Variants in PGPEP1 observed in about 807,000 individuals in gnomAD.
The protein encoded by PGPEP1 is pyroglutamyl-peptidase I, also known as pyroglutamyl-peptidase 1.
Under a neutral mutation model 24.1 loss-of-function variants are expected in PGPEP1, and 15 were observed. The ratio of observed to expected loss-of-function variants is 0.62; its 90% CI spans 0.42 to 0.96. The LOEUF is 0.96. PGPEP1 is among the 40% of genes least tolerant of loss of function. The pLI, the probability that PGPEP1 is intolerant of heterozygous loss-of-function variation, is 0.00. For synonymous variants in PGPEP1, 122 were observed against 116.4 expected, an observed-to-expected ratio of 1.05 and a Z score of -0.31; for missense variants, 242 against 273.4, an observed-to-expected ratio of 0.89 and a Z score of 0.81.
rs1971638602 is a variant in PGPEP1, at chr19:18,369,238, C to T, written c.*5655C>T. On this transcript the variant is annotated 3_prime_UTR_variant, in exon 5 of 5. Transcript: ENST00000269919. ...CACAAGCTGAGTGGGGGGGGACTCCCAGGACTTGAGGGACCCAGTCCCACC... is the reference window on the plus strand; with the variant it reads ...CACAAGCTGAGTGGGGGGGGACTCCTAGGACTTGAGGGACCCAGTCCCACC... 1 of 152,306 alleles carries T rather than the reference C, an allele frequency of 6.6e-6. No individual in the cohort carries two copies. The highest frequency in any genetic ancestry group is 2.1e-4 in the South Asian group (1 of 4,844). 9.4% of individuals were successfully genotyped at this position (152,306 alleles called of 1,614,324 possible). A position where few individuals can be genotyped will look rare whatever the true frequency, so the allele number is the denominator to read the frequency against.
At position 18,366,106 on chromosome 19, in the gene PGPEP1, C is replaced by G. The variant is rs1030044128; in HGVS notation, c.*2523C>G. ...GGTCACCCAGAGGTCTGGTGGAAAG[C>G]AACTTCAGGTTTCATCTTGCTCTAT... On this transcript the variant is annotated 3_prime_UTR_variant, in exon 5 of 5. Coordinates refer to ENST00000269919, the MANE Select transcript of PGPEP1 (RefSeq NM_017712.4). 6.6e-6 allele frequency: 1 copy of G among 152,152 alleles called. No homozygotes were observed. Among genetic ancestry groups the G allele is most frequent in the Non-Finnish European group, 1.5e-5 (1 of 68,060 alleles). The allele number at this position is 152,152 out of a possible 1,614,324, so 9.4% of individuals were successfully genotyped here. A position where few individuals can be genotyped will look rare whatever the true frequency, so the allele number is the denominator to read the frequency against.
At position 18,342,872 on chromosome 19, in the gene PGPEP1, T is replaced by TG. The variant is rs1970712936; in HGVS notation, c.52dup (p.Glu18GlyfsTer33). On this transcript the variant is annotated frameshift_variant, in exon 2 of 5. Transcript: ENST00000269919. LOFTEE classifies it high-confidence loss of function. The stretch of plus-strand genomic sequence containing the variant: ...CTGTTTTTTCAGGATTTGGCCCTTT[T>TG]GGGGAACACACCGTGAACGCCAGTT... The TG allele has an allele frequency of 6.2e-7, 1 of 1,613,696 alleles. No homozygotes were observed. Among genetic ancestry groups the TG allele is most frequent in the African/African-American group, 1.3e-5 (1 of 74,922 alleles).
intron 4 of PGPEP1, among the ~76,000 whole-genome samples, chr19:18,359,023 C>T (rs1193820292): frequency 6.6e-6 from 1 of 152,072 alleles, no homozygotes; most frequent in African/African-American, 2.4e-5. Context: ...CGCAGTGGCT[C>T]ATGCCTATAA....
chr19:18,350,320 C>T (rs1003635196), intron 2 of PGPEP1, among the ~76,000 whole-genome samples: 6 of 152,134 alleles, frequency 3.9e-5, no homozygotes, highest in Admixed American at 6.6e-5. Flanking sequence ...CCACTGCACC[C>T]GGCCTGTTGA....
At position 18,355,906 on chromosome 19, in the gene PGPEP1, G is replaced by C. The variant is rs1316423524; in HGVS notation, c.99G>C (p.Lys33Asn). Residue 33 changes from lysine (K) to asparagine (N), a missense_variant, in exon 3 of 5, where the codon AAG becomes AAC. Transcript: ENST00000269919. Reference protein sequence around the residue: ...ASWIAVQELEKLGLGDSVDLH... With the variant: ...ASWIAVQELENLGLGDSVDLH... ...CTCCTCTCTTCCAGGAGCTAGAAAA[G>C]CTAGGCCTTGGCGACAGCGTGGACC... 8 of 1,611,424 alleles carry C rather than the reference G, an allele frequency of 5.0e-6. No individual in the cohort carries two copies. The highest frequency in any genetic ancestry group is 6.8e-6 in the Non-Finnish European group (8 of 1,177,880).
At chr19:18,355,850 A>G (rs1452533390) in intron 2 of PGPEP1, 45 bp from the exon 3 acceptor site, 6 of 1,212,858 alleles carry the variant, frequency 4.9e-6, no homozygotes, top group Non-Finnish European at 7.4e-6. Context: ...TTATCCCCAT[A>G]GCTGTCATCT....
intron 2 of PGPEP1, among the ~76,000 whole-genome samples, chr19:18,348,143 C>G (rs1263378808): frequency 2.0e-5 from 3 of 152,094 alleles, no homozygotes; most frequent in Admixed American, 2.0e-4. Context: ...TCCCCTACCT[C>G]TCAGGGTGGA....
At position 18,347,270 on chromosome 19, in the gene PGPEP1, C is replaced by CTTTTCT. The variant is rs1555710152; in HGVS notation, c.87+4363_87+4364insCTTTTT. On this transcript the variant is annotated intron_variant, in intron 2 of 4. Coordinates refer to ENST00000269919, the MANE Select transcript of PGPEP1 (RefSeq NM_017712.4). ...CTAATTTTTTTTTCTTTCTTTCTTT[C>CTTTTCT]TTTTTTTTTTTTTTTTTTGTAGAGA... Among the ~76,000 whole-genome samples, 56 of 94,412 alleles carry CTTTTCT rather than the reference C, an allele frequency of 5.9e-4. 1 individual carries two copies. In the South Asian group the frequency reaches 0.015, roughly 26 times the overall value. 61.9% of individuals were successfully genotyped at this position (94,412 alleles called of 152,430 possible).
Position 18,355,797 on chromosome 19 carries a change from G to A in PGPEP1, c.88-98G>A, listed in dbSNP as rs1392013541. The A allele has an allele frequency of 1.5e-5, 11 of 752,220 alleles. No homozygotes were observed. In the Admixed American group the frequency reaches 1.5e-4, roughly 10 times the overall value. 46.6% of individuals were successfully genotyped at this position (752,220 alleles called of 1,614,324 possible). ...ACACACCCTTGCCATCCTGCAGAAT[G>A]AGTCTGGAGAACGCCTGTTTGTTTC... On this transcript the variant is annotated intron_variant, in intron 2 of 4. Transcript: ENST00000269919.
chr19:18,355,981 C>T lies in PGPEP1; in HGVS notation c.174C>T (p.Ile58=). 3.7e-6 allele frequency: 6 copies of T among 1,612,382 alleles called. No individual in the cohort carries two copies. The highest frequency in any genetic ancestry group is 4.2e-6 in the Non-Finnish European group (5 of 1,178,490). The stretch of plus-strand genomic sequence containing the variant: ...AGTACCAAACAGTCCAGAGACTCAT[C>T]CCCGCCCTGTGGGAGAAGCACAGTC... ...PVEYQTVQRL[I]PALWEKHSPQ... The change falls in exon 3 of 5, where the codon ATC becomes ATT. Residue 58 remains isoleucine, a synonymous_variant. Transcript: ENST00000269919.
rs1264027485 is a variant in PGPEP1 at position 18,364,143 on chromosome 19, C to CTTTCT, written c.*561_*562insTTCTT. Reference sequence around the variant, plus strand: ...TTCTTTCTTTCTTGCTTTCTTTCTTCTCTCTCTCTCTTTTTTTTTTTTTTT... The same window carrying CTTTCT: ...TTCTTTCTTTCTTGCTTTCTTTCTTCTTTCTTCTCTCTCTCTTTTTTTTTTTTTTT... On this transcript the variant is annotated 3_prime_UTR_variant, in exon 5 of 5. Transcript: ENST00000269919. 1 of 43,014 alleles carries CTTTCT rather than the reference C, an allele frequency of 2.3e-5. No homozygotes were observed. The highest frequency in any genetic ancestry group is 1.3e-4 in the African/African-American group (1 of 7,926). The allele number at this position is 43,014 out of a possible 1,614,324, so 2.7% of individuals were successfully genotyped here. A position where few individuals can be genotyped will look rare whatever the true frequency, so the allele number is the denominator to read the frequency against.
intron 2 of PGPEP1, chr19:18,349,104 TTG>T (rs1970944545): frequency 2.0e-6 from 2 of 984,174 alleles, no homozygotes; most frequent in Admixed American, 1.2e-4. Flanking sequence ...AACACCTCTC[TTG>T]TGACTGCAGG....
chr19:18,342,882 A>G lies in PGPEP1; in HGVS notation c.58A>G (p.Thr20Ala). Residue 20 changes from threonine (T) to alanine (A), a missense_variant, in exon 2 of 5, where the codon ACC (threonine) becomes GCC (alanine). Thr to Ala is a moderately conservative substitution (Grantham distance 58). Coordinates refer to ENST00000269919, the MANE Select transcript of PGPEP1 (RefSeq NM_017712.4). ...VTGFGPFGEH[T>A]VNASWIAVQE... is the part of the protein sequence containing the mutation. ...AGGATTTGGCCCTTTTGGGGAACAC[A>G]CCGTGAACGCCAGTTGGATTGCAGT... 1 of 1,613,938 alleles carries G rather than the reference A, an allele frequency of 6.2e-7. No individual in the cohort carries two copies. Among genetic ancestry groups the G allele is most frequent in the Non-Finnish European group, 8.5e-7 (1 of 1,179,856 alleles).
chr19:18,350,418 G>C (rs1970987952), intron 2 of PGPEP1, among the ~76,000 whole-genome samples: 1 of 152,096 alleles, frequency 6.6e-6, no homozygotes, highest in Non-Finnish European at 1.5e-5. Flanking sequence ...TTCTCCTCTG[G>C]GACGTATTGA....
chr19:18,340,755 G>A, intron 1 of PGPEP1, 40 bp downstream of exon 1: 2 of 1,411,404 alleles, frequency 1.4e-6, no homozygotes, highest in East Asian at 5.7e-5. Context: ...AGCGGCCGGG[G>A]GCAGAGGCGG....
intron 2 of PGPEP1, among the ~76,000 whole-genome samples, chr19:18,350,561 A>G (rs1280830032): frequency 6.6e-6 from 1 of 152,248 alleles, no homozygotes; most frequent in Non-Finnish European, 1.5e-5. Context: ...AGTTTGCATG[A>G]GGACGTTCAC....
chr19:18,341,529 G>C (rs1049808415), intron 1 of PGPEP1, among the ~76,000 whole-genome samples: 1 of 152,122 alleles, frequency 6.6e-6, no homozygotes, highest in Non-Finnish European at 1.5e-5. Flanking sequence ...GGTGTTTTGT[G>C]GCTGTTGAAG....
At position 18,364,670 on chromosome 19, in the gene PGPEP1, C is replaced by T. The variant is rs1455900499; in HGVS notation, c.*1087C>T. On this transcript the variant is annotated 3_prime_UTR_variant, in exon 5 of 5. Coordinates refer to ENST00000269919, the MANE Select transcript of PGPEP1 (RefSeq NM_017712.4). The stretch of plus-strand genomic sequence containing the variant: ...GTTTTAGGGCCAAAAATGAGGCCCC[C>T]TTGCTTAAGGCATGGGGTCCGTGGC... 6.6e-6 allele frequency: 1 copy of T among 152,126 alleles called. No homozygotes were observed. The highest frequency in any genetic ancestry group is 1.5e-5 in the Non-Finnish European group (1 of 68,014). 9.4% of individuals were successfully genotyped at this position (152,126 alleles called of 1,614,324 possible).
At chr19:18,361,960 G>A (rs191620444) in intron 4 of PGPEP1, 182 of 873,760 alleles carry the variant, frequency 2.1e-4, no homozygotes, top group Non-Finnish European at 2.4e-4. Flanking sequence ...AGGATTCCAT[G>A]GTGTGGATAA....
Sources: gnomAD v4.1 joint callset for allele counts (sites outside exome capture counted in the v4.1 genomes callset) on GRCh38, gnomAD v4.1.1 for gene constraint, MANE v1.5 for transcripts, NCBI Gene and HGNC (gene_info 2026-07-23, HGNC 2026-07-21) for gene names.